The following PRKDC variants were observed in gnomAD, a reference collection of about 807,000 sequenced individuals.
PRKDC encodes the protein DNA-dependent protein kinase catalytic subunit.
In PRKDC, 82 loss-of-function variants were observed where a neutral mutation model predicts 486.9. That is an observed-to-expected ratio of 0.17 (90% CI 0.14 to 0.20). The LOEUF is 0.20. Ranked by LOEUF, PRKDC falls within the 10% of genes least tolerant of loss-of-function variation. PRKDC has a pLI of 1.00. For synonymous variants in PRKDC, 1,895 were observed against 1,837.0 expected (o/e 1.03, Z -0.81); for missense variants, 4,504 against 5,038.2 (o/e 0.89, Z 3.21).
intron 71 of PRKDC, among the ~76,000 whole-genome samples, chr8:47,799,838 G>C (rs574400028): frequency 6.6e-6 from 1 of 152,130 alleles, no homozygotes; most frequent in Non-Finnish European, 1.5e-5. Context: ...AAAATAATCG[G>C]CAAGAAGCTA....
chr8:47,839,903 G>C (rs1278380424), intron 55 of PRKDC, 113 bp downstream of exon 55: 2 of 753,998 alleles, frequency 2.7e-6, no homozygotes, highest in African/African-American at 1.8e-5. Context: ...GAGCCCAGGA[G>C]GAGGTTGAGA....
intron 40 of PRKDC, among the ~76,000 whole-genome samples, chr8:47,866,761 A>C (rs1346802171): frequency 6.6e-6 from 1 of 152,208 alleles, no homozygotes; most frequent in Non-Finnish European, 1.5e-5. Context: ...TACAGCCCCA[A>C]AAGAAGCAAT....
chr8:47,915,307 T>C (rs775943462), intron 23 of PRKDC, 21 bp downstream of exon 23: 9 of 1,406,974 alleles, frequency 6.4e-6, no homozygotes, highest in Non-Finnish European at 7.8e-6. Context: ...ACAGAGGTTA[T>C]TTATTTTAAA....
chr8:47,825,211 C>T (rs1451882784), intron 63 of PRKDC, among the ~76,000 whole-genome samples: 2 of 152,072 alleles, frequency 1.3e-5, no homozygotes, highest in Non-Finnish European at 2.9e-5. Flanking sequence ...TTCACTATAA[C>T]ATGGTTAGAA....
intron 7 of PRKDC, among the ~76,000 whole-genome samples, chr8:47,947,865 G>A (rs750015362): frequency 8.6e-5 from 13 of 151,954 alleles, no homozygotes; most frequent in Non-Finnish European, 1.6e-4. Context: ...CCAAGATCGC[G>A]CCACTGCACT....
At chr8:47,895,594 C>T (rs1329225084) in intron 30 of PRKDC, among the ~76,000 whole-genome samples, 3 of 152,098 alleles carry the variant, frequency 2.0e-5, no homozygotes, top group African/African-American at 4.8e-5. Flanking sequence ...ATCAGGGTCT[C>T]GGTTTCTACT....
chr8:47,851,149 T>C (rs975098308), intron 52 of PRKDC, among the ~76,000 whole-genome samples: 3 of 152,208 alleles, frequency 2.0e-5, no homozygotes, highest in African/African-American at 7.2e-5. Flanking sequence ...TTTCCAAATT[T>C]CTACGATAAA....
intron 40 of PRKDC, among the ~76,000 whole-genome samples, chr8:47,875,579 T>C (rs2089074692): frequency 1.3e-5 from 2 of 152,226 alleles, no homozygotes; most frequent in Admixed American, 1.3e-4. Flanking sequence ...GAACACCTAT[T>C]TAGTTGCATC....
intron 34 of PRKDC, 129 bp downstream of exon 34, chr8:47,888,389 G>C: frequency 1.4e-6 from 1 of 729,660 alleles, no homozygotes. Flanking sequence ...CATGTCTTGA[G>C]CAAGTATTTC....
intron 73 of PRKDC, among the ~76,000 whole-genome samples, chr8:47,794,724 G>C (rs1041662575): frequency 6.6e-6 from 1 of 152,206 alleles, no homozygotes; most frequent in South Asian, 2.1e-4. Context: ...AATCACACGA[G>C]ACAGCTGCTG....
intron 7 of PRKDC, among the ~76,000 whole-genome samples, chr8:47,949,252 C>A (rs973806760): frequency 6.6e-6 from 1 of 152,210 alleles, no homozygotes; most frequent in Non-Finnish European, 1.5e-5. Flanking sequence ...GATTAGCAAC[C>A]TTAATTCCGC....
At chr8:47,793,949 G>A (rs754905466) in intron 74 of PRKDC, among the ~76,000 whole-genome samples, 2 of 152,142 alleles carry the variant, frequency 1.3e-5, no homozygotes, top group South Asian at 2.1e-4. Context: ...CATCTACTGA[G>A]TCCTAATTAA....
At chr8:47,859,912 A>C (rs1360630887) in intron 45 of PRKDC, among the ~76,000 whole-genome samples, 153 bp from the exon 46 acceptor site, 2 of 152,238 alleles carry the variant, frequency 1.3e-5, no homozygotes, top group East Asian at 1.9e-4. Context: ...CAGATTAAGA[A>C]AGCAAAAAAG....
chr8:47,934,256 G>C (rs759674874), intron 14 of PRKDC, among the ~76,000 whole-genome samples, 166 bp from the exon 15 acceptor site: 1 of 152,254 alleles, frequency 6.6e-6, no homozygotes, highest in Non-Finnish European at 1.5e-5. Context: ...AAAAAGCTAA[G>C]GCCAGGTGCG....
intron 38 of PRKDC, among the ~76,000 whole-genome samples, chr8:47,880,864 G>A (rs900062661): frequency 1.6e-4 from 24 of 151,792 alleles, no homozygotes; most frequent in African/African-American, 5.6e-4. Context: ...GACCAGCCTG[G>A]CCACTATGGT....
At chr8:47,895,996 G>A (rs2089572600) in intron 30 of PRKDC, among the ~76,000 whole-genome samples, 1 of 151,894 alleles carries the variant, frequency 6.6e-6, no homozygotes, top group Non-Finnish European at 1.5e-5. Flanking sequence ...CCAAGATCGT[G>A]CCATTGCACT....
chr8:47,910,731 C>T (rs370524422), intron 25 of PRKDC, among the ~76,000 whole-genome samples: 86 of 152,200 alleles, frequency 5.7e-4, no homozygotes, highest in African/African-American at 1.2e-3. Context: ...TTTGGGGAAA[C>T]GACGTTTTTT....
At position 47,879,551 on chromosome 8, in the gene PRKDC, C is replaced by G; in HGVS notation, c.5175G>C (p.Gln1725His). The change falls in exon 39 of 86, where the codon CAG (glutamine) becomes CAC (histidine). Residue 1725 changes from glutamine to histidine, a missense_variant. Transcript: ENST00000314191. ...GAGTTCCTGGAGGAAATTCCCTGGA[C>G]TGCATGGGGAAGTGAGCAACGATGA... ...EQLIVAHFPM[Q>H]SREFPPGTPR... 1 of 1,597,980 alleles carries G rather than the reference C, an allele frequency of 6.3e-7. No homozygotes were observed. Among genetic ancestry groups the G allele is most frequent in the Non-Finnish European group, 8.5e-7 (1 of 1,171,850 alleles).
chr8:47,778,900 A>G (rs2086652779), intron 81 of PRKDC, 101 bp from the exon 82 acceptor site: 2 of 1,449,064 alleles, frequency 1.4e-6, no homozygotes, highest in Non-Finnish European at 1.9e-6. Flanking sequence ...AATATCGAAT[A>G]ATCTTGATGA....
Sources: gnomAD v4.1 joint callset for allele counts (sites outside exome capture counted in the v4.1 genomes callset) on GRCh38, gnomAD v4.1.1 for gene constraint, MANE v1.5 for transcripts, NCBI Gene and HGNC (gene_info 2026-07-23, HGNC 2026-07-21) for gene names.